Variants in CREB5 observed in about 807,000 individuals in gnomAD.
CREB5 encodes the protein cAMP responsive element binding protein 5.
A neutral mutation model predicts 57.1 loss-of-function variants in CREB5; 19 were observed. The ratio of observed to expected loss-of-function variants is 0.33; its 90% CI spans 0.23 to 0.49. The LOEUF (loss-of-function observed/expected upper bound fraction) is 0.49. CREB5 is among the 20% of genes least tolerant of loss of function. The pLI, the probability that CREB5 is intolerant of heterozygous loss-of-function variation, is 0.99. For synonymous variants in CREB5, 238 were observed against 238.3 expected, an observed-to-expected ratio of 1.00 and a Z score of 0.01; for missense variants, 579 against 671.6, an observed-to-expected ratio of 0.86 and a Z score of 1.52.
chr7:28,514,458 C>T (rs943001469), intron 4 of CREB5, among the ~76,000 whole-genome samples: 1 of 152,084 alleles, frequency 6.6e-6, no homozygotes, highest in Non-Finnish European at 1.5e-5. Flanking sequence ...TGCAGTGGCG[C>T]CATCTCGGCT....
At chr7:28,809,152 T>C (rs754204031) in intron 8 of CREB5, 35 bp from the exon 9 acceptor site, 1 of 1,575,332 alleles carries the variant, frequency 6.3e-7, no homozygotes, top group African/African-American at 1.4e-5. Context: ...CGTCCTTCCC[T>C]ATCCCCATCA....
intron 8 of CREB5, 48 bp from the exon 9 acceptor site, chr7:28,809,139 C>T: frequency 6.5e-7 from 1 of 1,528,388 alleles, no homozygotes; most frequent in East Asian, 2.3e-5. Flanking sequence ...CCTTACCTAA[C>T]CACGTCCTTC....
intron 5 of CREB5, among the ~76,000 whole-genome samples, chr7:28,572,622 C>A (rs577434353): frequency 1.3e-5 from 2 of 152,326 alleles, no homozygotes; most frequent in Admixed American, 1.3e-4. Flanking sequence ...CTGCCACCCC[C>A]CACCAACTAC....
rs79927277 is a variant in CREB5 at position 28,562,703 on chromosome 7, C to T, written c.292-7662C>T. Among the ~76,000 whole-genome samples, 9 of 152,206 alleles carry T rather than the reference C, an allele frequency of 5.9e-5. No individual in the cohort carries two copies. In the East Asian group the frequency reaches 1.7e-3, roughly 29 times the overall value. On this transcript the variant is annotated intron_variant, in intron 4 of 10. Transcript: ENST00000357727. ...TTTTAGATAAGGGACACTAATCAGA[C>T]ATTTTGAAATGAATTCATGGTGTAT...
intron 1 of CREB5, among the ~76,000 whole-genome samples, chr7:28,446,217 C>T (rs1292723684): frequency 6.6e-6 from 1 of 152,126 alleles, no homozygotes; most frequent in Non-Finnish European, 1.5e-5. Flanking sequence ...CCGCCCCTCC[C>T]CTCCCCCACA....
At chr7:28,324,344 C>T (rs1326315040) in intron 1 of CREB5, among the ~76,000 whole-genome samples, 1 of 152,096 alleles carries the variant, frequency 6.6e-6, no homozygotes, top group South Asian at 2.1e-4. Context: ...TCAGTCATTC[C>T]GGTTGAGTTT....
chr7:28,639,981 G>C (rs898216795), intron 5 of CREB5, among the ~76,000 whole-genome samples: 4 of 152,256 alleles, frequency 2.6e-5, no homozygotes, highest in Non-Finnish European at 4.4e-5. Context: ...AGTGTATGAG[G>C]AATATAATCC....
At chr7:28,374,460 G>A (rs763626685) in intron 1 of CREB5, among the ~76,000 whole-genome samples, 2 of 152,104 alleles carry the variant, frequency 1.3e-5, no homozygotes, top group Non-Finnish European at 2.9e-5. Context: ...CAAGTAAGTG[G>A]ATAAACAAAA....
chr7:28,787,827 T>TA (rs1488400108), intron 7 of CREB5, among the ~76,000 whole-genome samples: 1 of 152,226 alleles, frequency 6.6e-6, no homozygotes, highest in Non-Finnish European at 1.5e-5. Context: ...GTGCTGGGAT[T>TA]ACAGGCATGA....
intron 1 of CREB5, among the ~76,000 whole-genome samples, chr7:28,443,012 T>C (rs1789267945): frequency 6.6e-6 from 1 of 152,234 alleles, no homozygotes; most frequent in Admixed American, 6.5e-5. Context: ...TCTATATGCC[T>C]TATTTCGTTT....
intron 1 of CREB5, among the ~76,000 whole-genome samples, chr7:28,306,861 A>T (rs1378807318): frequency 6.6e-6 from 1 of 151,998 alleles, no homozygotes; most frequent in Non-Finnish European, 1.5e-5. Context: ...GCGCCCGGCC[A>T]CAGATACAGT....
At chr7:28,432,771 A>G (rs937143451) in intron 1 of CREB5, among the ~76,000 whole-genome samples, 5 of 152,216 alleles carry the variant, frequency 3.3e-5, no homozygotes, top group African/African-American at 1.2e-4. Flanking sequence ...AAATTTAAAG[A>G]TAAATTTACT....
intron 7 of CREB5, among the ~76,000 whole-genome samples, chr7:28,796,029 A>C (rs1808019224): frequency 6.6e-6 from 1 of 152,180 alleles, no homozygotes; most frequent in Admixed American, 6.5e-5. Context: ...CTGGGATTAC[A>C]GGTGTGAGGC....
At chr7:28,502,061 G>A (rs943860497) in intron 3 of CREB5, among the ~76,000 whole-genome samples, 1 of 152,082 alleles carries the variant, frequency 6.6e-6, no homozygotes, top group Non-Finnish European at 1.5e-5. Flanking sequence ...CATGTCTGTT[G>A]CTTAAAAACC....
rs1440341891 is a variant in CREB5, at chr7:28,435,396, T to TC, written c.3+22479_3+22480insC. On this transcript the variant is annotated intron_variant, in intron 1 of 10. Transcript: ENST00000357727. ...TTTCCCTTCCATTTTTTTTTTTTTT[T>TC]TTTTTTGGTCTGGGAGATTTTGCAT... Among the ~76,000 whole-genome samples, 9 of 150,338 alleles carry TC rather than the reference T, an allele frequency of 6.0e-5. No individual in the cohort carries two copies. In the East Asian group the frequency reaches 1.2e-3, roughly 19 times the overall value.
chr7:28,728,491 T>C (rs1803450483), intron 7 of CREB5, among the ~76,000 whole-genome samples: 1 of 152,214 alleles, frequency 6.6e-6, no homozygotes, highest in Admixed American at 6.5e-5. Context: ...CAAGGATAGT[T>C]TATACCTCCA....
At chr7:28,520,423 A>T (rs983329276) in intron 4 of CREB5, among the ~76,000 whole-genome samples, 1 of 152,046 alleles carries the variant, frequency 6.6e-6, no homozygotes, top group African/African-American at 2.4e-5. Context: ...CTCCTTTCCT[A>T]TCCGTGGAAA....
chr7:28,782,050 C>T (rs762393676), intron 7 of CREB5, among the ~76,000 whole-genome samples: 57 of 151,566 alleles, frequency 3.8e-4, no homozygotes, highest in African/African-American at 5.6e-4. Context: ...AGGCATGCAC[C>T]GCCTGCCTGT....
At chr7:28,668,850 A>G (rs1484953965) in intron 5 of CREB5, among the ~76,000 whole-genome samples, 2 of 152,110 alleles carry the variant, frequency 1.3e-5, no homozygotes, top group Non-Finnish European at 1.5e-5. Context: ...CAAATTCATC[A>G]CAATGCTCTG....
Sources: allele counts gnomAD v4.1 joint callset (sites outside exome capture counted in the v4.1 genomes callset), GRCh38; gene constraint gnomAD v4.1.1; transcripts MANE v1.5; gene names NCBI Gene and HGNC (gene_info 2026-07-23, HGNC 2026-07-21).